PPM1L: variants seen among roughly 807,000 people sequenced by gnomAD.
PPM1L encodes protein phosphatase 1L.
Under a neutral mutation model 31.4 loss-of-function variants are expected in PPM1L, and 13 were observed. The observed-to-expected ratio is 0.41, with a 90% CI of 0.27 to 0.66. PPM1L has a LOEUF of 0.66. Among genes scored for constraint, PPM1L ranks in the 30% least tolerant of loss-of-function variants. The pLI, the probability that PPM1L is intolerant of heterozygous loss-of-function variation, is 0.29. For synonymous variants in PPM1L, 184 were observed against 175.4 expected, an observed-to-expected ratio of 1.05 and a Z score of -0.39; for missense variants, 326 against 453.7, an observed-to-expected ratio of 0.72 and a Z score of 2.56.
At chr3:160,848,072 C>T (rs1280945311) in intron 1 of PPM1L, among the ~76,000 whole-genome samples, 1 of 152,156 alleles carries the variant, frequency 6.6e-6, no homozygotes, top group Non-Finnish European at 1.5e-5. Flanking sequence ...AAGCAGGGTT[C>T]ATCTTTTACT....
chr3:161,057,608 G>A (rs1392245548), intron 2 of PPM1L, among the ~76,000 whole-genome samples: 1 of 152,050 alleles, frequency 6.6e-6, no homozygotes, highest in African/African-American at 2.4e-5. Flanking sequence ...CTTTTTAAAA[G>A]AAAAGTTGCT....
chr3:161,020,061 G>A (rs1718196797), intron 2 of PPM1L, among the ~76,000 whole-genome samples: 1 of 151,238 alleles, frequency 6.6e-6, no homozygotes, highest in Admixed American at 6.6e-5. Context: ...AGGAGGTGGA[G>A]GTTGCAGTGA....
At chr3:160,760,157 C>G (rs1042411788) in intron 1 of PPM1L, among the ~76,000 whole-genome samples, 1 of 152,138 alleles carries the variant, frequency 6.6e-6, no homozygotes, top group African/African-American at 2.4e-5. Context: ...TCAGTGGACT[C>G]CTGATTACTA....
Position 161,074,926 on chromosome 3 carries a change from T to G in PPM1L, c.*5769T>G, listed in dbSNP as rs901523637. On this transcript the variant is annotated 3_prime_UTR_variant, in exon 4 of 4. Transcript: ENST00000498165. Reference sequence around the variant, plus strand: ...GTGGTTTCATTTATTCTTGAAGTCCTATAACCTTGCATTATTTAAACACAA... The same window carrying G: ...GTGGTTTCATTTATTCTTGAAGTCCGATAACCTTGCATTATTTAAACACAA... 1.1e-4 allele frequency: 16 copies of G among 152,196 alleles called. No individual in the cohort carries two copies. Among genetic ancestry groups the G allele is most frequent in the Non-Finnish European group, 2.9e-5 (2 of 68,038 alleles). The allele number at this position is 152,196 out of a possible 1,614,324, so 9.4% of individuals were successfully genotyped here.
chr3:160,939,031 T>C (rs1443412233), intron 1 of PPM1L, among the ~76,000 whole-genome samples: 2 of 152,098 alleles, frequency 1.3e-5, no homozygotes, highest in African/African-American at 4.8e-5. Flanking sequence ...GGTATAGAAA[T>C]AGCACATATG....
At chr3:160,833,723 T>C (rs1713595483) in intron 1 of PPM1L, among the ~76,000 whole-genome samples, 1 of 152,148 alleles carries the variant, frequency 6.6e-6, no homozygotes, top group South Asian at 2.1e-4. Flanking sequence ...ATTCTTTAGG[T>C]TTCCTGTTTG....
intron 1 of PPM1L, among the ~76,000 whole-genome samples, chr3:160,907,086 T>C (rs1295281288): frequency 6.6e-6 from 1 of 152,178 alleles, no homozygotes; most frequent in African/African-American, 2.4e-5. Flanking sequence ...TTGGGGACTA[T>C]TTTAGGGGCT....
chr3:160,763,933 TAATG>T (rs989013754), intron 1 of PPM1L, among the ~76,000 whole-genome samples: 23 of 152,222 alleles, frequency 1.5e-4, no homozygotes, highest in African/African-American at 5.3e-4. Context: ...TAATTCTACT[TAATG>T]AATGTCAAAA....
intron 2 of PPM1L, among the ~76,000 whole-genome samples, chr3:160,976,268 C>T (rs1354317646): frequency 6.1e-5 from 9 of 147,942 alleles, no homozygotes; most frequent in South Asian, 2.3e-4. Context: ...CCACTGGATT[C>T]GGTTTGCCAG....
intron 1 of PPM1L, among the ~76,000 whole-genome samples, chr3:160,954,919 CCTT>C (rs1261531192): frequency 2.9e-3 from 341 of 116,704 alleles, no homozygotes; most frequent in Middle Eastern, 0.018. Flanking sequence ...TTCCTTCCTT[CCTT>C]CTTTCCTTCC....
At chr3:160,867,595 T>C (rs1420585006) in intron 1 of PPM1L, among the ~76,000 whole-genome samples, 1 of 152,206 alleles carries the variant, frequency 6.6e-6, no homozygotes, top group Non-Finnish European at 1.5e-5. Flanking sequence ...CTGAATTATA[T>C]ATTTTTTAAT....
At chr3:160,908,600 T>G (rs1197974327) in intron 1 of PPM1L, among the ~76,000 whole-genome samples, 1 of 152,190 alleles carries the variant, frequency 6.6e-6, no homozygotes, top group Non-Finnish European at 1.5e-5. Context: ...ATGAGATTTT[T>G]TCACCAAATA....
intron 1 of PPM1L, among the ~76,000 whole-genome samples, chr3:160,835,208 C>A (rs1713680766): frequency 8.2e-6 from 1 of 122,126 alleles, no homozygotes; most frequent in Non-Finnish European, 1.6e-5. Flanking sequence ...AGTACCAAAT[C>A]CATGATGTGA....
rs1296673830 is a variant in PPM1L, at chr3:160,880,820, A to G, written c.400-80916A>G. 2.6e-5 allele frequency among the ~76,000 whole-genome samples: 4 copies of G among 152,080 alleles called. No individual in the cohort carries two copies. In the South Asian group the frequency reaches 6.2e-4, roughly 24 times the overall value. On this transcript the variant is annotated intron_variant, in intron 1 of 3. Coordinates refer to ENST00000498165, the MANE Select transcript of PPM1L (RefSeq NM_139245.4). ...GAGCAGGGACAAGTTAGAATCTCCT[A>G]TTTCCACCCCTCTCCACCCAGATTT...
At chr3:161,052,725 A>T (rs1254205166) in intron 2 of PPM1L, among the ~76,000 whole-genome samples, 1 of 152,236 alleles carries the variant, frequency 6.6e-6, no homozygotes, top group Non-Finnish European at 1.5e-5. Flanking sequence ...TTGTATAAGG[A>T]TAACCTAATA....
chr3:160,781,446 A>C (rs765162314), intron 1 of PPM1L, among the ~76,000 whole-genome samples: 1 of 152,184 alleles, frequency 6.6e-6, no homozygotes, highest in African/African-American at 2.4e-5. Context: ...TGTATATACT[A>C]TAGAAGTCCA....
chr3:160,888,681 T>C (rs1473762807), intron 1 of PPM1L, among the ~76,000 whole-genome samples: 1 of 152,188 alleles, frequency 6.6e-6, no homozygotes, highest in East Asian at 1.9e-4. Flanking sequence ...GTGGACCTAA[T>C]AGACATCTAC....
intron 1 of PPM1L, among the ~76,000 whole-genome samples, chr3:160,897,197 C>T (rs1713365094): frequency 6.6e-6 from 1 of 152,082 alleles, no homozygotes; most frequent in Admixed American, 6.6e-5. Flanking sequence ...CGCCTGCCAC[C>T]ACACCCAGCT....
At chr3:160,891,096 AATT>A (rs1713122442) in intron 1 of PPM1L, among the ~76,000 whole-genome samples, 1 of 152,234 alleles carries the variant, frequency 6.6e-6, no homozygotes, top group Non-Finnish European at 1.5e-5. Flanking sequence ...CACCAAAAGT[AATT>A]GCAACAAAAG....
Sources: allele counts gnomAD v4.1 joint callset (sites outside exome capture counted in the v4.1 genomes callset), GRCh38; gene constraint gnomAD v4.1.1; transcripts MANE v1.5; gene names NCBI Gene and HGNC (gene_info 2026-07-23, HGNC 2026-07-21).